Variants in SEMA6D observed in about 807,000 individuals in gnomAD.
SEMA6D encodes the protein semaphorin 6D.
A neutral mutation model predicts 106.6 loss-of-function variants in SEMA6D; 35 were observed. The observed-to-expected ratio is 0.33, with a 90% CI of 0.25 to 0.44. The LOEUF (loss-of-function observed/expected upper bound fraction) is 0.44. Among genes scored for constraint, SEMA6D ranks in the 20% least tolerant of loss-of-function variants. The pLI is 1.00. For synonymous variants in SEMA6D, 499 were observed against 487.7 expected, an observed-to-expected ratio of 1.02 and a Z score of -0.31; for missense variants, 1,185 against 1,345.9, an observed-to-expected ratio of 0.88 and a Z score of 1.87.
chr15:47,437,380 G>C (rs2041751536), intron 2 of SEMA6D, among the ~76,000 whole-genome samples: 1 of 152,072 alleles, frequency 6.6e-6, no homozygotes, highest in Non-Finnish European at 1.5e-5. Context: ...AAAGTTTACT[G>C]TTAAATGAAT....
At chr15:47,314,428 C>T (rs1021876995) in intron 1 of SEMA6D, among the ~76,000 whole-genome samples, 10 of 150,028 alleles carry the variant, frequency 6.7e-5, no homozygotes, top group African/African-American at 2.2e-4. Context: ...GAAACCCCGT[C>T]TCTACTAAAA....
upstream of SEMA6D, among the ~76,000 whole-genome samples, chr15:47,713,000 A>C (rs889381487): frequency 3.3e-5 from 5 of 152,152 alleles, no homozygotes; most frequent in Non-Finnish European, 5.9e-5. Context: ...GATAGTCTTC[A>C]TATCTCTTGT....
intron 4 of SEMA6D, among the ~76,000 whole-genome samples, chr15:47,631,306 T>G (rs2077288579): frequency 1.3e-5 from 2 of 152,020 alleles, no homozygotes; most frequent in African/African-American, 4.8e-5. Flanking sequence ...TTATTTTGGT[T>G]TGAGTTTTAG....
rs191314589 is a variant in SEMA6D, at chr15:47,250,621, A to G, written c.-239+66203A>G. 2.4e-4 allele frequency among the ~76,000 whole-genome samples: 37 copies of G among 152,382 alleles called. 1 individual carries two copies. The East Asian group carries it at 3.3e-3, about 13-fold the overall frequency. On this transcript the variant is annotated intron_variant, in intron 1 of 19. Transcript: ENST00000558014. ...TGAGTGACAGCTCCTTTAAATAGCA[A>G]TTGCTATCACTAGCCCTCAGTTTAA... is the stretch of plus-strand genomic sequence containing the variant.
chr15:47,740,067 C>A (rs895249431), intron 1 of SEMA6D, among the ~76,000 whole-genome samples: 9 of 152,110 alleles, frequency 5.9e-5, no homozygotes, highest in Admixed American at 1.3e-4. Flanking sequence ...TAAAGTAGAG[C>A]CTGCTTTTCC....
In SEMA6D at chr15:47,694,929, G is replaced by A. The variant is rs532000697; in HGVS notation, c.-54-64816G>A. On this transcript the variant is annotated intron_variant, in intron 4 of 19. Transcript: ENST00000558014. ...TAGTGATATATGCTGGTACCAAGGA[G>A]AGGATCCGAAGCCCTGAACACCATA... Among the ~76,000 whole-genome samples the A allele has an allele frequency of 2.0e-5, 3 of 152,294 alleles. No individual in the cohort carries two copies. In the East Asian group the frequency reaches 5.8e-4, roughly 29 times the overall value.
At chr15:47,367,887 A>G (rs2039119444) in intron 1 of SEMA6D, among the ~76,000 whole-genome samples, 1 of 152,142 alleles carries the variant, frequency 6.6e-6, no homozygotes. Context: ...GTCTTGGCTC[A>G]TAGTCAAAAA....
At chr15:47,730,260 C>T (rs960091892) in intron 1 of SEMA6D, 5 of 1,543,022 alleles carry the variant, frequency 3.2e-6, no homozygotes, top group East Asian at 2.2e-5. Context: ...TCGTATCTGT[C>T]GTTGTAATTG....
At chr15:47,201,520 T>C (rs1894724185) in intron 1 of SEMA6D, among the ~76,000 whole-genome samples, 1 of 152,312 alleles carries the variant, frequency 6.6e-6, no homozygotes, top group Non-Finnish European at 1.5e-5. Flanking sequence ...ACAGACATTA[T>C]TCAATATCAG....
At chr15:47,534,370 A>G (rs564049664) in intron 3 of SEMA6D, among the ~76,000 whole-genome samples, 64 of 151,880 alleles carry the variant, frequency 4.2e-4, no homozygotes, top group Non-Finnish European at 7.4e-4. Context: ...TTTAGTAGAG[A>G]TGAGGTTTCA....
intron 1 of SEMA6D, among the ~76,000 whole-genome samples, chr15:47,331,077 G>A (rs1300464466): frequency 6.6e-6 from 1 of 152,126 alleles, no homozygotes; most frequent in African/African-American, 2.4e-5. Context: ...ATTCTGTCAC[G>A]AATCTCACTG....
At chr15:47,393,745 T>C (rs1402235923) in intron 1 of SEMA6D, among the ~76,000 whole-genome samples, 1 of 152,204 alleles carries the variant, frequency 6.6e-6, no homozygotes, top group African/African-American at 2.4e-5. Context: ...GGGAAAAGGC[T>C]ATCTTAACTC....
chr15:47,457,634 T>G (rs1241427252), intron 2 of SEMA6D, among the ~76,000 whole-genome samples: 1 of 151,972 alleles, frequency 6.6e-6, no homozygotes, highest in Non-Finnish European at 1.5e-5. Flanking sequence ...AGATATTCCT[T>G]TAGAAACTAA....
At chr15:47,552,891 A>AATATATATATATTTTTTTAT (rs71118186) in intron 3 of SEMA6D, among the ~76,000 whole-genome samples, 6 of 35,282 alleles carry the variant, frequency 1.7e-4, no homozygotes, top group South Asian at 7.0e-4. Flanking sequence ...AATATATATA[A>AATATATATATATTTTTTTAT]ATATATATAT....
At chr15:47,308,371 C>G (rs1249950752) in intron 1 of SEMA6D, among the ~76,000 whole-genome samples, 1 of 152,158 alleles carries the variant, frequency 6.6e-6, no homozygotes, top group African/African-American at 2.4e-5. Flanking sequence ...TATACTGCAT[C>G]TGGCATAACT....
At chr15:47,304,761 A>C (rs1423952189) in intron 1 of SEMA6D, among the ~76,000 whole-genome samples, 1 of 152,144 alleles carries the variant, frequency 6.6e-6, no homozygotes, top group East Asian at 1.9e-4. Flanking sequence ...TGAAATTATG[A>C]ACAAGATTCT....
intron 1 of SEMA6D, among the ~76,000 whole-genome samples, chr15:47,361,398 A>C (rs2038798501): frequency 6.6e-6 from 1 of 152,218 alleles, no homozygotes; most frequent in African/African-American, 2.4e-5. Context: ...AATAGCATCA[A>C]ACTAGAAATT....
intron 4 of SEMA6D, among the ~76,000 whole-genome samples, chr15:47,679,735 G>A (rs1372420560): frequency 6.6e-6 from 1 of 152,124 alleles, no homozygotes; most frequent in East Asian, 1.9e-4. Context: ...ACATCTGAAG[G>A]AAAAATAAGC....
intron 3 of SEMA6D, among the ~76,000 whole-genome samples, chr15:47,476,418 T>C (rs1786688383): frequency 6.6e-6 from 1 of 152,098 alleles, no homozygotes. Context: ...CATCTGAAAA[T>C]TTCATATATG....
Sources: gnomAD v4.1 joint callset for allele counts (sites outside exome capture counted in the v4.1 genomes callset) on GRCh38, gnomAD v4.1.1 for gene constraint, MANE v1.5 for transcripts, NCBI Gene and HGNC (gene_info 2026-07-23, HGNC 2026-07-21) for gene names.